Variants in FAM91A1 observed in about 807,000 individuals in gnomAD.
FAM91A1 encodes family with sequence similarity 91 member A1.
In FAM91A1, 41 loss-of-function variants were observed where a neutral mutation model predicts 113.5. The ratio of observed to expected loss-of-function variants is 0.36; its 90% CI spans 0.28 to 0.47. The LOEUF is 0.47. Ranked by LOEUF, FAM91A1 falls within the 20% of genes least tolerant of loss-of-function variation. The probability of loss-of-function intolerance (pLI) is 1.00; values close to 1 mark genes in which losing one functional copy is unlikely to be tolerated. For missense variants in FAM91A1, 696 were observed against 1,001.2 expected (o/e 0.70, Z 4.11); for synonymous variants, 307 against 347.9 (o/e 0.88, Z 1.31).
intron 15 of FAM91A1, among the ~76,000 whole-genome samples, chr8:123,793,153 C>G (rs1431887028): frequency 6.6e-6 from 1 of 152,192 alleles, no homozygotes; most frequent in Non-Finnish European, 1.5e-5. Flanking sequence ...CCCATGCTTT[C>G]CATCTACCCT....
chr8:123,796,789 C>T (rs896279732), intron 15 of FAM91A1, among the ~76,000 whole-genome samples: 2 of 148,910 alleles, frequency 1.3e-5, no homozygotes, highest in African/African-American at 4.9e-5. Context: ...CTTGGCTGGG[C>T]GCGATGACTC....
chr8:123,775,388 C>T (rs932286451), intron 3 of FAM91A1, 90 bp downstream of exon 3: 22 of 1,460,856 alleles, frequency 1.5e-5, no homozygotes, highest in African/African-American at 2.8e-5. Context: ...CTTCAGCTGT[C>T]GTCTGCGGTG....
intron 15 of FAM91A1, among the ~76,000 whole-genome samples, chr8:123,796,693 G>A (rs1238407118): frequency 2.0e-5 from 3 of 150,830 alleles, no homozygotes; most frequent in Non-Finnish European, 4.4e-5. Context: ...TCCTGACCTC[G>A]TGGTCTGCCC....
chr8:123,812,731 C>T lies in FAM91A1; in HGVS notation c.*27C>T. The T allele has an allele frequency of 2.7e-6, 4 of 1,495,656 alleles. No homozygotes were observed. The highest frequency in any genetic ancestry group is 3.6e-6 in the Non-Finnish European group (4 of 1,125,140). The allele number at this position is 1,495,656 out of a possible 1,614,324, so 92.6% of individuals were successfully genotyped here. A position where few individuals can be genotyped will look rare whatever the true frequency, so the allele number is the denominator to read the frequency against. ...TTGGTTACACCATTTGTTGCTCACA[C>T]TTTCTGCCTTTTTTCTTTCTTAACG... On this transcript the variant is annotated 3_prime_UTR_variant, in exon 24 of 24. Coordinates refer to ENST00000334705, the MANE Select transcript of FAM91A1 (RefSeq NM_144963.4).
At position 123,780,041 on chromosome 8, in the gene FAM91A1, A is replaced by T. The variant is rs764904538; in HGVS notation, c.606A>T (p.Gln202His). The T allele has an allele frequency of 1.9e-6, 3 of 1,613,442 alleles. No homozygotes were observed. The East Asian group carries it at 6.7e-5, about 36-fold the overall frequency. Reference sequence around the variant, plus strand: ...ATAAGATCATCGATTCAGGCCCTCAACTCTCTGGATCACTAGATTACAATG... The same window carrying T: ...ATAAGATCATCGATTCAGGCCCTCATCTCTCTGGATCACTAGATTACAATG... Reference protein sequence around the residue: ...AVDKIIDSGPQLSGSLDYNVV... With the variant: ...AVDKIIDSGPHLSGSLDYNVV... The change falls in exon 7 of 24, where the codon CAA becomes CAT. Residue 202 changes from glutamine (Q) to histidine (H), a missense_variant. Coordinates refer to ENST00000334705, the MANE Select transcript of FAM91A1 (RefSeq NM_144963.4).
intron 2 of FAM91A1, 34 bp from the exon 3 acceptor site, chr8:123,775,113 G>GA (rs1235214844): frequency 2.0e-6 from 3 of 1,536,560 alleles, no homozygotes; most frequent in South Asian, 1.3e-5. Flanking sequence ...TAAGAAACCT[G>GA]AAAAAAACTG....
intron 23 of FAM91A1, chr8:123,810,581 A>G: frequency 1.7e-6 from 1 of 591,266 alleles, no homozygotes; most frequent in Non-Finnish European, 3.0e-6. Flanking sequence ...TGCTTTATTC[A>G]ACAGAAATGT....
intron 1 of FAM91A1, among the ~76,000 whole-genome samples, chr8:123,773,315 TC>T (rs1814901220): frequency 6.6e-6 from 1 of 152,214 alleles, no homozygotes; most frequent in African/African-American, 2.4e-5. Context: ...TCCTAAGATG[TC>T]TAATTTCACT....
intron 8 of FAM91A1, among the ~76,000 whole-genome samples, chr8:123,781,970 C>G (rs993902957): frequency 6.6e-6 from 1 of 152,192 alleles, no homozygotes; most frequent in Non-Finnish European, 1.5e-5. Flanking sequence ...AAGTATTACT[C>G]TAGTGCCTAC....
intron 18 of FAM91A1, among the ~76,000 whole-genome samples, chr8:123,804,587 T>G (rs889291212): frequency 6.3e-5 from 9 of 142,642 alleles, no homozygotes; most frequent in African/African-American, 2.3e-4. Context: ...CCATCTCTCC[T>G]CCAAATCAGA....
At chr8:123,780,128 C>T in intron 7 of FAM91A1, 53 bp downstream of exon 7, 2 of 1,462,518 alleles carry the variant, frequency 1.4e-6, no homozygotes, top group Admixed American at 1.8e-5. Flanking sequence ...TGTTTTAAAC[C>T]ATCAATAATT....
intron 15 of FAM91A1, among the ~76,000 whole-genome samples, chr8:123,795,929 T>C (rs1419843054): frequency 6.6e-6 from 1 of 152,210 alleles, no homozygotes; most frequent in Admixed American, 6.5e-5. Flanking sequence ...GCCAGTCTTT[T>C]GGCTATACAG....
Position 123,780,486 on chromosome 8 carries a change from A to G in FAM91A1, c.647A>G (p.Tyr216Cys), listed in dbSNP as rs375576710. ...SLDYNVVHSL[Y>C]NKGFIYLDVP... ...GGTACTTTTGTTTCTTCAGGTTTGT[A>G]TAACAAAGGATTTATTTATCTGGAT... The change falls in exon 8 of 24, where the codon TAT (tyrosine) becomes TGT (cysteine). Residue 216 changes from tyrosine to cysteine, a missense_variant. Transcript: ENST00000334705. 3 of 1,611,146 alleles carry G rather than the reference A, an allele frequency of 1.9e-6. No individual in the cohort carries two copies. The highest frequency in any genetic ancestry group is 1.3e-5 in the African/African-American group (1 of 74,794).
intron 8 of FAM91A1, among the ~76,000 whole-genome samples, chr8:123,781,017 T>C (rs1238874251): frequency 2.0e-5 from 3 of 152,206 alleles, no homozygotes; most frequent in African/African-American, 7.2e-5. Flanking sequence ...TCATACACTT[T>C]ATGGATGTAT....
chr8:123,806,379 A>G (rs1815813017), intron 20 of FAM91A1, 150 bp downstream of exon 20: 1 of 924,800 alleles, frequency 1.1e-6, no homozygotes, highest in Admixed American at 2.8e-5. Flanking sequence ...ATATTTTGGA[A>G]CATCATTTGG....
intron 1 of FAM91A1, 141 bp downstream of exon 1, chr8:123,768,915 C>A: frequency 1.2e-6 from 1 of 853,684 alleles, no homozygotes; most frequent in Non-Finnish European, 1.9e-6. Flanking sequence ...GGGAGACGGA[C>A]CTTCAGCCCA....
At chr8:123,787,559 A>G (rs989109514) in intron 13 of FAM91A1, 105 bp from the exon 14 acceptor site, 21 of 1,094,422 alleles carry the variant, frequency 1.9e-5, no homozygotes, top group Non-Finnish European at 2.6e-5. Context: ...TCACCCCCCA[A>G]TCCTTAAGTT....
At chr8:123,769,726 A>T (rs985633458) in intron 1 of FAM91A1, among the ~76,000 whole-genome samples, 17 of 152,188 alleles carry the variant, frequency 1.1e-4, no homozygotes, top group African/African-American at 4.1e-4. Context: ...GACGTAAACA[A>T]ATAAATGAAT....
chr8:123,798,064 T>C (rs1201959522), intron 15 of FAM91A1, 26 bp from the exon 16 acceptor site: 1 of 1,589,102 alleles, frequency 6.3e-7, no homozygotes, highest in Admixed American at 1.8e-5. Context: ...TCTTTTATTC[T>C]GTGTGTGTGC....
Sources: allele counts gnomAD v4.1 joint callset (sites outside exome capture counted in the v4.1 genomes callset), GRCh38; gene constraint gnomAD v4.1.1; transcripts MANE v1.5; gene names NCBI Gene and HGNC (gene_info 2026-07-23, HGNC 2026-07-21).